Variants in SPTLC3 observed in about 807,000 individuals in gnomAD.
SPTLC3 encodes serine palmitoyltransferase 3.
Under a neutral mutation model 59.3 loss-of-function variants are expected in SPTLC3, and 36 were observed. That is an observed-to-expected ratio of 0.61 (90% CI 0.47 to 0.80). SPTLC3 has a LOEUF of 0.80. SPTLC3 is among the 30% of genes least tolerant of loss of function. The pLI, the probability that SPTLC3 is intolerant of heterozygous loss-of-function variation, is 0.00. For missense variants in SPTLC3, 625 were observed against 685.1 expected, an observed-to-expected ratio of 0.91 and a Z score of 0.98; for synonymous variants, 257 against 240.8, an observed-to-expected ratio of 1.07 and a Z score of -0.62.
At chr20:13,066,738 T>C (rs1600246565) in intron 2 of SPTLC3, among the ~76,000 whole-genome samples, 1 of 152,104 alleles carries the variant, frequency 6.6e-6, no homozygotes, top group South Asian at 2.1e-4. Context: ...AATTTCTCCC[T>C]TCTCTTCCTT....
intron 1 of SPTLC3, among the ~76,000 whole-genome samples, chr20:13,021,013 A>T (rs748430405): frequency 2.0e-5 from 3 of 152,204 alleles, no homozygotes; most frequent in Non-Finnish European, 2.9e-5. Flanking sequence ...TGCCCAGCAT[A>T]TAGTAGATGT....
intron 1 of SPTLC3, among the ~76,000 whole-genome samples, chr20:13,046,131 T>C (rs4814189): frequency 0.12 from 18,849 of 152,158 alleles, 1,228 homozygotes; most frequent in Middle Eastern, 0.21. Flanking sequence ...TCACCCTTTT[T>C]CTTCTGTGGT....
chr20:13,083,254 T>C (rs1247712326), intron 4 of SPTLC3, among the ~76,000 whole-genome samples: 2 of 152,162 alleles, frequency 1.3e-5, no homozygotes, highest in Non-Finnish European at 2.9e-5. Flanking sequence ...TCTATTATCA[T>C]CCTTCAGGGT....
At chr20:13,149,049 C>T (rs1482163363) in intron 9 of SPTLC3, among the ~76,000 whole-genome samples, 3 of 152,210 alleles carry the variant, frequency 2.0e-5, no homozygotes, top group Non-Finnish European at 4.4e-5. Context: ...TCCCATTCCA[C>T]TTAACTCCAA....
At chr20:13,052,904 T>C (rs567857640) in intron 2 of SPTLC3, among the ~76,000 whole-genome samples, 11 of 152,296 alleles carry the variant, frequency 7.2e-5, no homozygotes, top group African/African-American at 2.6e-4. Flanking sequence ...CAGGGGTTTA[T>C]AGATGGAACT....
rs113062136 is a variant in SPTLC3 at position 13,136,604 on chromosome 20, C to CATATATATATAT, written c.1279+9891_1279+9902dup. 7.0e-3 allele frequency among the ~76,000 whole-genome samples: 948 copies of CATATATATATAT among 136,034 alleles called. 11 individuals are homozygous for CATATATATATAT. Among genetic ancestry groups the CATATATATATAT allele is most frequent in the African/African-American group, 0.023 (906 of 39,212 alleles). 89.2% of individuals were successfully genotyped at this position (136,034 alleles called of 152,430 possible). A position where few individuals can be genotyped will look rare whatever the true frequency, so the allele number is the denominator to read the frequency against. ...AACAGAGTGAGACCTCATCTAAAAA[C>CATATATATATAT]ATATATATATATATAATATACATAT... On this transcript the variant is annotated intron_variant, in intron 9 of 11. Transcript: ENST00000399002.
chr20:13,161,285 GA>G (rs1203667188), intron 11 of SPTLC3, among the ~76,000 whole-genome samples: 3 of 152,156 alleles, frequency 2.0e-5, no homozygotes, highest in Non-Finnish European at 4.4e-5. Flanking sequence ...TTTTCAATGG[GA>G]GTGGGGGAAT....
chr20:13,097,816 C>A (rs769113186), intron 6 of SPTLC3, among the ~76,000 whole-genome samples: 10 of 152,046 alleles, frequency 6.6e-5, no homozygotes, highest in Non-Finnish European at 1.5e-4. Flanking sequence ...GAGGAAATGG[C>A]CCAGATTAAA....
intron 2 of SPTLC3, chr20:13,049,581 T>C: frequency 6.5e-6 from 1 of 154,512 alleles, no homozygotes; most frequent in South Asian, 1.9e-4. Flanking sequence ...AAATCTGATT[T>C]CTCACCTTTG....
At chr20:13,133,057 T>C in intron 9 of SPTLC3, 1 of 152,404 alleles carries the variant, frequency 6.6e-6, no homozygotes, top group East Asian at 1.9e-4. Flanking sequence ...TCTCTCTCTT[T>C]GAAAACAGCC....
chr20:13,097,761 T>C (rs191225707), intron 6 of SPTLC3, among the ~76,000 whole-genome samples: 1 of 152,230 alleles, frequency 6.6e-6, no homozygotes, highest in Admixed American at 6.5e-5. Context: ...AAAAGGGAAT[T>C]GTATTCTCTA....
chr20:13,095,977 C>T (rs938318321), intron 6 of SPTLC3, among the ~76,000 whole-genome samples: 1 of 151,966 alleles, frequency 6.6e-6, no homozygotes, highest in Non-Finnish European at 1.5e-5. Flanking sequence ...GGCTTGGAAT[C>T]TAGTAGGAAA....
At chr20:13,036,568 G>T (rs1986743720) in intron 1 of SPTLC3, among the ~76,000 whole-genome samples, 1 of 152,032 alleles carries the variant, frequency 6.6e-6, no homozygotes, top group African/African-American at 2.4e-5. Context: ...CATCAGTAAG[G>T]CTTCCCATCA....
At chr20:13,124,985 A>G (rs1025043995) in intron 8 of SPTLC3, among the ~76,000 whole-genome samples, 2 of 152,214 alleles carry the variant, frequency 1.3e-5, no homozygotes, top group African/African-American at 4.8e-5. Flanking sequence ...CTGTGCCGTT[A>G]TTCTAAAGAG....
intron 4 of SPTLC3, among the ~76,000 whole-genome samples, chr20:13,090,511 G>C (rs538668353): frequency 4.6e-5 from 7 of 152,186 alleles, no homozygotes; most frequent in Non-Finnish European, 8.8e-5. Context: ...AGAGTAAAAA[G>C]AGAGAAGAAT....
At chr20:13,134,464 A>G (rs1402321487) in intron 9 of SPTLC3, among the ~76,000 whole-genome samples, 2 of 152,192 alleles carry the variant, frequency 1.3e-5, no homozygotes, top group East Asian at 3.9e-4. Context: ...TTCATATTTC[A>G]TGATGATGGG....
chr20:13,135,944 A>G (rs900991576), intron 9 of SPTLC3, among the ~76,000 whole-genome samples: 1 of 152,246 alleles, frequency 6.6e-6, no homozygotes, highest in African/African-American at 2.4e-5. Context: ...TTCATTTATA[A>G]TCAAGTGACC....
intron 9 of SPTLC3, among the ~76,000 whole-genome samples, chr20:13,137,644 A>T (rs997835708): frequency 2.5e-4 from 38 of 152,294 alleles, no homozygotes; most frequent in African/African-American, 8.9e-4. Flanking sequence ...TGGGAAAGAA[A>T]GCATATATTC....
chr20:13,084,455 T>A (rs558655813), intron 4 of SPTLC3, among the ~76,000 whole-genome samples: 1 of 152,320 alleles, frequency 6.6e-6, no homozygotes, highest in East Asian at 1.9e-4. Context: ...CATGCTGATT[T>A]GAATCTTGGC....
Sources: gnomAD v4.1 joint callset for allele counts (sites outside exome capture counted in the v4.1 genomes callset) on GRCh38, gnomAD v4.1.1 for gene constraint, MANE v1.5 for transcripts, NCBI Gene and HGNC (gene_info 2026-07-23, HGNC 2026-07-21) for gene names.